MYLK: variants seen among roughly 807,000 people sequenced by gnomAD.
The protein encoded by MYLK is myosin light chain kinase, smooth muscle.
MYLK carries 106 observed loss-of-function variants against 203.4 expected under a neutral mutation model. The ratio of observed to expected loss-of-function variants is 0.52; its 90% CI spans 0.45 to 0.61. The LOEUF is 0.61. Among genes scored for constraint, MYLK ranks in the 20% least tolerant of loss-of-function variants. MYLK has a pLI of 0.00. For missense variants in MYLK, 2,072 were observed against 2,442.3 expected (o/e 0.85, Z 3.20); for synonymous variants, 867 against 959.5 (o/e 0.90, Z 1.78).
At chr3:123,763,387 T>A (rs2063596949) in intron 4 of MYLK, among the ~76,000 whole-genome samples, 1 of 152,186 alleles carries the variant, frequency 6.6e-6, no homozygotes, top group Non-Finnish European at 1.5e-5. Flanking sequence ...TCCCTCACCA[T>A]CCTCTTGGAA....
intron 2 of MYLK, among the ~76,000 whole-genome samples, chr3:123,838,720 T>C (rs886941586): frequency 6.6e-6 from 1 of 152,216 alleles, no homozygotes; most frequent in Non-Finnish European, 1.5e-5. Flanking sequence ...ATGAAAGATA[T>C]ATGTTGTAAA....
intron 4 of MYLK, among the ~76,000 whole-genome samples, chr3:123,763,101 T>G (rs750087158): frequency 3.3e-5 from 5 of 152,236 alleles, no homozygotes; most frequent in Non-Finnish European, 7.3e-5. Context: ...CTTTGCTCAC[T>G]GCCATGCCAC....
chr3:123,793,359 T>C (rs2064857807), intron 4 of MYLK, among the ~76,000 whole-genome samples: 1 of 152,116 alleles, frequency 6.6e-6, no homozygotes, highest in Non-Finnish European at 1.5e-5. Context: ...ACCCAAGCTG[T>C]ATTCTTCCTG....
At chr3:123,725,373 C>T (rs185460712) in intron 12 of MYLK, among the ~76,000 whole-genome samples, 7 of 152,184 alleles carry the variant, frequency 4.6e-5, no homozygotes, top group South Asian at 4.2e-4. Context: ...TGATAATATA[C>T]GGCAAATAAT....
intron 2 of MYLK, among the ~76,000 whole-genome samples, chr3:123,861,186 T>C (rs1577141891): frequency 1.3e-5 from 2 of 151,772 alleles, no homozygotes; most frequent in South Asian, 4.2e-4. Context: ...TGATTGCATG[T>C]TGAGATCATG....
At position 123,700,714 on chromosome 3, in the gene MYLK, G is replaced by T. The variant is rs758419577; in HGVS notation, c.2754C>A (p.Ile918=). 1 of 1,613,980 alleles carries T rather than the reference G, an allele frequency of 6.2e-7. No homozygotes were observed. The highest frequency in any genetic ancestry group is 8.5e-7 in the Non-Finnish European group (1 of 1,180,030). Residue 918 remains isoleucine (I), a synonymous_variant, in exon 18 of 34, where the codon ATC becomes ATA. Transcript: ENST00000360304. ...KTLSEDDLKE[I]PAEQMDFRAN... is the part of the protein sequence containing the mutation. ...CACGGAAATCCATCTGCTCGGCTGG[G>T]ATCTCCTTCAGGTCGTCTTCCGATA...
chr3:123,859,746 C>T (rs1028715551), intron 2 of MYLK, among the ~76,000 whole-genome samples: 1 of 152,138 alleles, frequency 6.6e-6, no homozygotes, highest in Non-Finnish European at 1.5e-5. Flanking sequence ...TACATGGAAA[C>T]ATGTCCAACC....
intron 1 of MYLK, among the ~76,000 whole-genome samples, chr3:123,883,781 C>T (rs1034587892): frequency 6.6e-6 from 1 of 152,158 alleles, no homozygotes; most frequent in African/African-American, 2.4e-5. Context: ...GTCTGGCACT[C>T]GCGGGCCGCC....
In MYLK at chr3:123,701,492, C is replaced by T. The variant is rs1195878670; in HGVS notation, c.2408G>A (p.Cys803Tyr). The T allele has an allele frequency of 1.2e-6, 2 of 1,614,054 alleles. No homozygotes were observed. Among genetic ancestry groups the T allele is most frequent in the Middle Eastern group, 3.4e-4 (2 of 5,970 alleles). Residue 803 changes from cysteine to tyrosine, a missense_variant, in exon 17 of 34, where the codon TGC becomes TAC. Cys to Tyr is a radical substitution (Grantham distance 194). This residue lies in a region of MYLK where 865 missense variants were observed against 1,016.0 expected (regional missense o/e 0.85). Coordinates refer to ENST00000360304, the MANE Select transcript of MYLK (RefSeq NM_053025.4). The part of the protein sequence containing the change: ...EILLKNRVGE[C>Y]SCQVSLMLQN... ...TAGCATCAGTGACACCTGGCAACTG[C>T]ATTCGCCAACCCGGTTCCTGAAGAA...
intron 2 of MYLK, among the ~76,000 whole-genome samples, chr3:123,848,456 G>C (rs1005415736): frequency 2.0e-5 from 3 of 151,324 alleles, no homozygotes; most frequent in African/African-American, 7.3e-5. Context: ...ATTCTCCCTT[G>C]TTCCGTACTA....
intron 30 of MYLK, among the ~76,000 whole-genome samples, chr3:123,627,749 T>G (rs1225082657): frequency 1.3e-5 from 2 of 152,154 alleles, no homozygotes; most frequent in African/African-American, 4.8e-5. Flanking sequence ...GGAAGGAATT[T>G]TTTTTTTAAG....
At chr3:123,854,307 A>G (rs957354529) in intron 2 of MYLK, among the ~76,000 whole-genome samples, 3 of 151,936 alleles carry the variant, frequency 2.0e-5, no homozygotes, top group Non-Finnish European at 4.4e-5. Context: ...ATTGATGACT[A>G]TAGTTTTTTC....
At chr3:123,771,811 A>C (rs2063893736) in intron 4 of MYLK, among the ~76,000 whole-genome samples, 1 of 152,234 alleles carries the variant, frequency 6.6e-6, no homozygotes. Context: ...ATCTAACACA[A>C]GGCCTATTAT....
At chr3:123,675,914 T>C (rs1189768738) in intron 20 of MYLK, among the ~76,000 whole-genome samples, 1 of 152,192 alleles carries the variant, frequency 6.6e-6, no homozygotes, top group Non-Finnish European at 1.5e-5. Context: ...TGGAGGAATA[T>C]TGGTCATTTT....
In MYLK at chr3:123,733,683, T is replaced by G. The variant is rs1028133191; in HGVS notation, c.1309+4A>C. On this transcript the variant is annotated splice_donor_region_variant and intron_variant, in intron 10 of 33. Transcript: ENST00000360304. ...AATCGGTGACCCTAATTACCTCTACTCACCTTCACATCTGAACTTGACAGT... is the reference window on the plus strand; with the variant it reads ...AATCGGTGACCCTAATTACCTCTACGCACCTTCACATCTGAACTTGACAGT... 1.2e-6 allele frequency: 2 copies of G among 1,613,858 alleles called. No individual in the cohort carries two copies. The highest frequency in any genetic ancestry group is 2.7e-5 in the African/African-American group (2 of 74,950).
intron 2 of MYLK, among the ~76,000 whole-genome samples, chr3:123,850,302 C>A (rs1030683021): frequency 2.0e-5 from 3 of 152,158 alleles, no homozygotes; most frequent in Admixed American, 2.0e-4. Context: ...AATTCTAGAT[C>A]CTTGAGTAAT....
At chr3:123,766,055 G>C (rs139899005) in intron 4 of MYLK, among the ~76,000 whole-genome samples, 2 of 152,176 alleles carry the variant, frequency 1.3e-5, no homozygotes, top group East Asian at 1.9e-4. Flanking sequence ...ACTTAAAAAT[G>C]GTTAAAGTGG....
rs2108581241 is a variant in MYLK at position 123,700,499 on chromosome 3, T to C, written c.2969A>G (p.Lys990Arg). ...DFRSVLGGKK[K>R]LPAENGSSSA... ...GCTGCTGCCATTCTCTGCTGGTAAT[T>C]TCTTCTTGCCACCCAGCACTGAGCG... Residue 990 changes from lysine (K) to arginine (R), a missense_variant, in exon 18 of 34, where the codon AAA (lysine) becomes AGA (arginine). By Grantham distance (26) the Lys-to-Arg change is conservative (BLOSUM62 2). Coordinates refer to ENST00000360304, the MANE Select transcript of MYLK (RefSeq NM_053025.4). 6.2e-7 allele frequency: 1 copy of C among 1,607,978 alleles called. No homozygotes were observed. The highest frequency in any genetic ancestry group is 8.5e-7 in the Non-Finnish European group (1 of 1,175,784).
intron 2 of MYLK, among the ~76,000 whole-genome samples, chr3:123,845,640 A>C (rs570651822): frequency 6.6e-6 from 1 of 152,074 alleles, no homozygotes; most frequent in Non-Finnish European, 1.5e-5. Flanking sequence ...ACAAGTACAC[A>C]CCACCATGCC....
Sources: allele counts gnomAD v4.1 joint callset (sites outside exome capture counted in the v4.1 genomes callset), GRCh38; gene constraint gnomAD v4.1.1; regional missense constraint gnomAD v4.1.1; transcripts MANE v1.5; gene names NCBI Gene and HGNC (gene_info 2026-07-23, HGNC 2026-07-21).